Variants in TNNI3K observed in about 807,000 individuals in gnomAD.
TNNI3K encodes serine/threonine-protein kinase TNNI3K.
Under a neutral mutation model 114.5 loss-of-function variants are expected in TNNI3K, and 140 were observed. The observed-to-expected ratio is 1.22, with a 90% CI of 1.07 to 1.41. The LOEUF (loss-of-function observed/expected upper bound fraction) is 1.41. TNNI3K is among the 40% of genes most tolerant of loss of function. The pLI is 0.00. For synonymous variants in TNNI3K, 347 were observed against 347.5 expected (o/e 1.00, Z 0.02); for missense variants, 1,125 against 1,007.6 (o/e 1.12, Z -1.58).
chr1:74,400,182 G>A (rs1252107306), intron 17 of TNNI3K, among the ~76,000 whole-genome samples: 2 of 152,174 alleles, frequency 1.3e-5, no homozygotes, highest in African/African-American at 4.8e-5. Context: ...AACCTTGGAG[G>A]TATGGATTAG....
chr1:74,544,116 C>A lies in TNNI3K; in HGVS notation c.*134C>A. The A allele has an allele frequency of 1.1e-6, 1 of 892,266 alleles. No individual in the cohort carries two copies. Among genetic ancestry groups the A allele is most frequent in the Non-Finnish European group, 1.6e-6 (1 of 611,584 alleles). The allele number at this position is 892,266 out of a possible 1,614,324, so 55.3% of individuals were successfully genotyped here. A position where few individuals can be genotyped will look rare whatever the true frequency, so the allele number is the denominator to read the frequency against. On this transcript the variant is annotated 3_prime_UTR_variant, in exon 25 of 25. Transcript: ENST00000326637. The stretch of plus-strand genomic sequence containing the variant: ...TTAAATTGGGCTTGTTTTTACTTGT[C>A]CTATTTAATTCCCCACTATTAGCAG...
intron 5 of TNNI3K, among the ~76,000 whole-genome samples, chr1:74,322,305 A>G (rs1308993839): frequency 6.6e-6 from 1 of 152,068 alleles, no homozygotes; most frequent in Non-Finnish European, 1.5e-5. Context: ...ATTCAAGGTG[A>G]TTTTCCTACT....
intron 5 of TNNI3K, among the ~76,000 whole-genome samples, chr1:74,318,162 A>G (rs979195878): frequency 2.6e-5 from 4 of 152,150 alleles, no homozygotes; most frequent in East Asian, 1.9e-4. Flanking sequence ...CTGATGTCCA[A>G]TTTCATTTGT....
chr1:74,345,107 A>T lies in TNNI3K; in HGVS notation c.932+1928A>T, dbSNP rs183631493. ...CATATATACACATATATGTGCATAT[A>T]TTCAGAACTCATTATCTGTAAGTAG... is the stretch of plus-strand genomic sequence containing the variant. On this transcript the variant is annotated intron_variant, in intron 9 of 24. Coordinates refer to ENST00000326637, the MANE Select transcript of TNNI3K (RefSeq NM_015978.3). 1.2e-3 allele frequency among the ~76,000 whole-genome samples: 190 copies of T among 152,254 alleles called. 1 individual carries two copies. Among genetic ancestry groups the T allele is most frequent in the Non-Finnish European group, 1.0e-3 (70 of 68,006 alleles).
chr1:74,241,032 T>C (rs1265141689), intron 2 of TNNI3K, among the ~76,000 whole-genome samples: 3 of 152,118 alleles, frequency 2.0e-5, no homozygotes, highest in Non-Finnish European at 4.4e-5. Context: ...GTTTGGTTTT[T>C]TGTCCTTGCA....
chr1:74,353,932 A>C, intron 10 of TNNI3K, 48 bp from the exon 11 acceptor site: 1 of 1,569,954 alleles, frequency 6.4e-7, no homozygotes, highest in South Asian at 1.2e-5. Flanking sequence ...ATTGGGGAGC[A>C]GTTTTTCTTT....
intron 9 of TNNI3K, 29 bp downstream of exon 9, chr1:74,343,208 C>A (rs943017850): frequency 2.5e-6 from 4 of 1,581,210 alleles, no homozygotes; most frequent in Admixed American, 1.8e-5. Context: ...GCAATAGCCA[C>A]TAAACTTAGC....
At chr1:74,390,508 G>A (rs554781622) in intron 17 of TNNI3K, among the ~76,000 whole-genome samples, 32 of 152,116 alleles carry the variant, frequency 2.1e-4, no homozygotes, top group Non-Finnish European at 4.1e-4. Flanking sequence ...ACAGTGCTTT[G>A]AGCAGTAGTG....
At chr1:74,283,905 C>T (rs1025256695) in intron 5 of TNNI3K, among the ~76,000 whole-genome samples, 6 of 151,982 alleles carry the variant, frequency 3.9e-5, no homozygotes, top group Admixed American at 2.0e-4. Context: ...TGGTAAGAAA[C>T]GCCTATATAT....
At chr1:74,267,889 A>C (rs1656099293) in intron 4 of TNNI3K, among the ~76,000 whole-genome samples, 1 of 151,956 alleles carries the variant, frequency 6.6e-6, no homozygotes. Context: ...AAAAACAAAG[A>C]TACTTGAAGA....
intron 21 of TNNI3K, among the ~76,000 whole-genome samples, chr1:74,479,160 C>T (rs1668352668): frequency 6.6e-6 from 1 of 152,172 alleles, no homozygotes. Flanking sequence ...CTCTCTTTCT[C>T]TCCCCACCCC....
intron 24 of TNNI3K, 108 bp from the exon 25 acceptor site, chr1:74,543,798 G>C: frequency 1.6e-6 from 2 of 1,222,970 alleles, no homozygotes; most frequent in East Asian, 4.8e-5. Context: ...TGTCCAGATT[G>C]TCTGTTCACA....
chr1:74,334,739 A>G (rs1660380198), intron 6 of TNNI3K, among the ~76,000 whole-genome samples: 1 of 152,194 alleles, frequency 6.6e-6, no homozygotes, highest in Non-Finnish European at 1.5e-5. Flanking sequence ...CAGTTCACTC[A>G]CATATCCAGA....
chr1:74,264,487 A>G (rs1655853938), intron 4 of TNNI3K, among the ~76,000 whole-genome samples: 1 of 152,100 alleles, frequency 6.6e-6, no homozygotes, highest in Non-Finnish European at 1.5e-5. Context: ...TACTTTTCTA[A>G]AAAAACCTTT....
At chr1:74,399,244 G>T (rs1448868020) in intron 17 of TNNI3K, among the ~76,000 whole-genome samples, 9 of 150,478 alleles carry the variant, frequency 6.0e-5, no homozygotes, top group Non-Finnish European at 1.3e-4. Context: ...TTAGGATTAG[G>T]ACAACCCCAA....
intron 9 of TNNI3K, among the ~76,000 whole-genome samples, chr1:74,349,003 G>A (rs1392249834): frequency 6.6e-6 from 1 of 152,222 alleles, no homozygotes; most frequent in Non-Finnish European, 1.5e-5. Flanking sequence ...TCTCCTGCCT[G>A]ATTGCCCTGG....
intron 19 of TNNI3K, among the ~76,000 whole-genome samples, chr1:74,437,539 A>G (rs1211277244): frequency 6.6e-6 from 1 of 151,762 alleles, no homozygotes; most frequent in African/African-American, 2.4e-5. Context: ...CATGGGAGTA[A>G]TCTACATGGG....
chr1:74,238,464 G>C (rs997367912), intron 2 of TNNI3K, among the ~76,000 whole-genome samples: 2 of 151,960 alleles, frequency 1.3e-5, no homozygotes, highest in African/African-American at 4.8e-5. Context: ...GATAAATAAG[G>C]ACAGTTTGAA....
chr1:74,265,609 G>A lies in TNNI3K; in HGVS notation c.334-5989G>A, dbSNP rs544535662. On this transcript the variant is annotated intron_variant, in intron 4 of 24. Transcript: ENST00000326637. Reference sequence around the variant, plus strand: ...CATGATTCTATAATATATGAAAAAAGGAAATTACCTATATGTAGAATTAGA... The same window carrying A: ...CATGATTCTATAATATATGAAAAAAAGAAATTACCTATATGTAGAATTAGA... 5.9e-5 allele frequency among the ~76,000 whole-genome samples: 9 copies of A among 151,930 alleles called. No homozygotes were observed. In the South Asian group the frequency reaches 1.7e-3, roughly 28 times the overall value.
Sources: gnomAD v4.1 joint callset for allele counts (sites outside exome capture counted in the v4.1 genomes callset) on GRCh38, gnomAD v4.1.1 for gene constraint, MANE v1.5 for transcripts, NCBI Gene and HGNC (gene_info 2026-07-23, HGNC 2026-07-21) for gene names.